The following AGXT2 variants were observed in gnomAD, a reference collection of about 807,000 sequenced individuals.
The protein encoded by AGXT2 is alanine--glyoxylate aminotransferase 2, mitochondrial.
AGXT2 carries 61 observed loss-of-function variants against 62.5 expected under a neutral mutation model. That is an observed-to-expected ratio of 0.98 (90% CI 0.79 to 1.21). AGXT2 has a LOEUF of 1.21. Among genes scored for constraint, AGXT2 ranks in the 50% most tolerant of loss-of-function variants. The pLI is 0.00. For synonymous variants in AGXT2, 243 were observed against 218.7 expected (o/e 1.11, Z -0.98); for missense variants, 666 against 641.5 (o/e 1.04, Z -0.41).
In AGXT2 at chr5:35,039,410, G is replaced by T. The variant is rs768346186; in HGVS notation, c.276C>A (p.His92Gln). Residue 92 changes from histidine (H) to glutamine (Q), a missense_variant, in exon 3 of 14, where the codon CAC (histidine) becomes CAA (glutamine). His to Gln is a conservative substitution (Grantham distance 24, BLOSUM62 0). Coordinates refer to ENST00000231420, the MANE Select transcript of AGXT2 (RefSeq NM_031900.4). ...CTTCAGCATCAAAGAGCCACTCCAT[G>T]TGCCCCTGGTGGAGCAGCAGGGGTT... is the stretch of plus-strand genomic sequence containing the variant. The part of the protein sequence containing the change: ...FQKPLLLHQG[H>Q]MEWLFDAEGS... The T allele has an allele frequency of 8.7e-6, 14 of 1,614,140 alleles. No homozygotes were observed. The highest frequency in any genetic ancestry group is 1.2e-5 in the Non-Finnish European group (14 of 1,179,968).
At chr5:35,028,068 C>A (rs1025336916) in intron 7 of AGXT2, among the ~76,000 whole-genome samples, 13 of 151,868 alleles carry the variant, frequency 8.6e-5, no homozygotes, top group African/African-American at 3.1e-4. Context: ...GGGCCCTGGA[C>A]TTCGTCATCT....
intron 6 of AGXT2, chr5:35,033,141 G>A (rs1443347142): frequency 1.9e-5 from 9 of 482,396 alleles, no homozygotes; most frequent in Non-Finnish European, 3.4e-5. Context: ...TGTGGGTACA[G>A]TAAGTGGGAA....
rs1479426640 is a variant in AGXT2 at position 34,998,650 on chromosome 5, C to A, written c.*69G>T. ...TCTGGATACCAGTGGTTCTGAAATT[C>A]TTCAAATTCACCCTTGAACATACGT... On this transcript the variant is annotated 3_prime_UTR_variant, in exon 14 of 14. Transcript: ENST00000231420. 6 of 1,317,512 alleles carry A rather than the reference C, an allele frequency of 4.6e-6. No homozygotes were observed. The African/African-American group carries it at 7.2e-5, about 16-fold the overall frequency. The allele number at this position is 1,317,512 out of a possible 1,614,324, so 81.6% of individuals were successfully genotyped here.
chr5:35,020,311 G>T (rs1193424044), intron 9 of AGXT2, among the ~76,000 whole-genome samples: 2 of 152,146 alleles, frequency 1.3e-5, no homozygotes, highest in Non-Finnish European at 2.9e-5. Context: ...GAACATTGAT[G>T]CAAAAATCCT....
At chr5:35,036,893 C>CAGGAG (rs1767787512) in intron 4 of AGXT2, 49 bp downstream of exon 4, 1 of 1,601,840 alleles carries the variant, frequency 6.2e-7, no homozygotes, top group Admixed American at 1.7e-5. Flanking sequence ...AGCATCATAC[C>CAGGAG]TTTTTTTTTC....
intron 1 of AGXT2, 78 bp from the exon 2 acceptor site, chr5:35,040,741 A>G: frequency 9.4e-7 from 1 of 1,064,024 alleles, no homozygotes; most frequent in Non-Finnish European, 1.5e-6. Flanking sequence ...AGTTATCCAA[A>G]TAAAACTGCT....
At chr5:35,017,095 G>A (rs970735453) in intron 9 of AGXT2, among the ~76,000 whole-genome samples, 3 of 152,296 alleles carry the variant, frequency 2.0e-5, no homozygotes, top group South Asian at 4.1e-4. Context: ...GTGTAAGACT[G>A]CTCCTTGACA....
At position 35,032,821 on chromosome 5, in the gene AGXT2, A is replaced by G. The variant is rs1767620389; in HGVS notation, c.680T>C (p.Met227Thr). ...AGGGCCACGAAAAACATCTGGACAC[A>G]TTGTCTGCAAATGACAAAAGAAGGA... ...LPGGTGCQPT[M>T]CPDVFRGPWG... The change falls in exon 7 of 14, where the codon ATG (methionine) becomes ACG (threonine). Residue 227 changes from methionine to threonine, a missense_variant. Coordinates refer to ENST00000231420, the MANE Select transcript of AGXT2 (RefSeq NM_031900.4). 1 of 1,601,692 alleles carries G rather than the reference A, an allele frequency of 6.2e-7. No homozygotes were observed. Among genetic ancestry groups the G allele is most frequent in the Non-Finnish European group, 8.5e-7 (1 of 1,173,238 alleles).
intron 13 of AGXT2, among the ~76,000 whole-genome samples, chr5:35,001,150 G>C (rs1766214208): frequency 6.6e-6 from 1 of 152,142 alleles, no homozygotes; most frequent in Non-Finnish European, 1.5e-5. Context: ...ATTTAGGAGG[G>C]GTTTATCAGG....
At chr5:35,001,023 C>T (rs1284844803) in intron 13 of AGXT2, among the ~76,000 whole-genome samples, 1 of 152,214 alleles carries the variant, frequency 6.6e-6, no homozygotes, top group Non-Finnish European at 1.5e-5. Context: ...TGTCACATGA[C>T]TTTGCTCAAC....
chr5:34,999,206 C>T (rs1766138819), intron 13 of AGXT2, among the ~76,000 whole-genome samples: 1 of 152,182 alleles, frequency 6.6e-6, no homozygotes, highest in Non-Finnish European at 1.5e-5. Context: ...ATCTTTATGT[C>T]CACCCTTCTG....
chr5:35,033,697 T>C (rs965154262), intron 5 of AGXT2, 144 bp from the exon 6 acceptor site: 24 of 690,526 alleles, frequency 3.5e-5, no homozygotes, highest in Non-Finnish European at 6.0e-5. Flanking sequence ...TCTAAGCTTA[T>C]GTCGGATCAA....
At chr5:35,034,768 GT>G (rs1266017221) in intron 5 of AGXT2, among the ~76,000 whole-genome samples, 11 of 152,288 alleles carry the variant, frequency 7.2e-5, no homozygotes, top group African/African-American at 2.4e-4. Context: ...AGAATAAAAG[GT>G]AAAAAATGGG....
chr5:35,040,893 G>T (rs1471374243), intron 1 of AGXT2, among the ~76,000 whole-genome samples: 2 of 152,022 alleles, frequency 1.3e-5, no homozygotes, highest in Non-Finnish European at 2.9e-5. Context: ...ATCTACGGCA[G>T]TCCCTCACAA....
intron 4 of AGXT2, among the ~76,000 whole-genome samples, 154 bp from the exon 5 acceptor site, chr5:35,035,470 C>T (rs1767726949): frequency 6.6e-6 from 1 of 152,200 alleles, no homozygotes; most frequent in South Asian, 2.1e-4. Flanking sequence ...CATTTAACCA[C>T]AGTATGAATT....
At chr5:35,005,926 C>A (rs183212817) in intron 12 of AGXT2, among the ~76,000 whole-genome samples, 94 of 152,138 alleles carry the variant, frequency 6.2e-4, no homozygotes, top group African/African-American at 2.2e-3. Context: ...AGAACATTTC[C>A]CCACTTCCTA....
chr5:35,030,528 T>C (rs1159358227), intron 7 of AGXT2, among the ~76,000 whole-genome samples: 1 of 151,482 alleles, frequency 6.6e-6, no homozygotes, highest in African/African-American at 2.4e-5. Flanking sequence ...AATACATAAA[T>C]AAAAAAGAAA....
rs73764087 is a variant in AGXT2, at chr5:35,025,908, A to T, written c.871-53T>A. 6,481 of 1,513,728 alleles carry T rather than the reference A, an allele frequency of 4.3e-3. 253 individuals are homozygous for T. The African/African-American group carries it at 0.08, about 19-fold the overall frequency. 93.8% of individuals were successfully genotyped at this position (1,513,728 alleles called of 1,614,324 possible). Reference sequence around the variant, plus strand: ...ATAATAATAGCATCAGCCCTTTCAAAGTATATAAAAAAGTTAGATCATCAT... The same window carrying T: ...ATAATAATAGCATCAGCCCTTTCAATGTATATAAAAAAGTTAGATCATCAT... On this transcript the variant is annotated intron_variant, in intron 8 of 13. Transcript: ENST00000231420.
At chr5:35,011,800 T>C (rs1363558955) in intron 11 of AGXT2, among the ~76,000 whole-genome samples, 2 of 152,026 alleles carry the variant, frequency 1.3e-5, no homozygotes, top group Non-Finnish European at 2.9e-5. Flanking sequence ...AAAGCCATTA[T>C]ATCAAAAAGA....
Sources: gnomAD v4.1 joint callset for allele counts (sites outside exome capture counted in the v4.1 genomes callset) on GRCh38, gnomAD v4.1.1 for gene constraint, MANE v1.5 for transcripts, NCBI Gene and HGNC (gene_info 2026-07-23, HGNC 2026-07-21) for gene names.